Variants in DLGAP3 observed in about 807,000 individuals in gnomAD.
DLGAP3 encodes disks large-associated protein 3.
In DLGAP3, 17 loss-of-function variants were observed where a neutral mutation model predicts 81.2. The observed-to-expected ratio is 0.21, with a 90% CI of 0.14 to 0.31. DLGAP3 has a LOEUF of 0.31. Among genes scored for constraint, DLGAP3 ranks in the 10% least tolerant of loss-of-function variants. The pLI is 1.00. For synonymous variants in DLGAP3, 577 were observed against 587.4 expected (o/e 0.98, Z 0.26); for missense variants, 1,124 against 1,388.0 (o/e 0.81, Z 3.02).
Position 34,865,987 on chromosome 1 carries a change from G to A in DLGAP3, c.*96C>T, listed in dbSNP as rs1050570719. 3 of 1,087,630 alleles carry A rather than the reference G, an allele frequency of 2.8e-6. No individual in the cohort carries two copies. The highest frequency in any genetic ancestry group is 3.2e-5 in the African/African-American group (2 of 62,526). The allele number at this position is 1,087,630 out of a possible 1,614,324, so 67.4% of individuals were successfully genotyped here. A position where few individuals can be genotyped will look rare whatever the true frequency, so the allele number is the denominator to read the frequency against. ...GGCGTCCGGTGCCGGTGGGGCGGGC[G>A]CACGGGGCGGCCCGCGTTCACAGTG... On this transcript the variant is annotated 3_prime_UTR_variant, in exon 12 of 12. Transcript: ENST00000373347.
intron 3 of DLGAP3, among the ~76,000 whole-genome samples, chr1:34,901,765 A>T (rs759904522): frequency 1.6e-4 from 25 of 152,278 alleles, no homozygotes; most frequent in Middle Eastern, 3.4e-3. Flanking sequence ...CAGTGAGGGG[A>T]GAATTGAAGG....
At chr1:34,872,903 G>C (rs1639001521) in intron 8 of DLGAP3, among the ~76,000 whole-genome samples, 1 of 152,160 alleles carries the variant, frequency 6.6e-6, no homozygotes, top group Non-Finnish European at 1.5e-5. Flanking sequence ...TAATAAATAT[G>C]TATTGTTTTC....
intron 1 of DLGAP3, among the ~76,000 whole-genome samples, chr1:34,924,663 G>A (rs914485147): frequency 6.6e-6 from 1 of 151,978 alleles, no homozygotes; most frequent in Non-Finnish European, 1.5e-5. Flanking sequence ...AGCTTGTTGC[G>A]CTAAAAAAAA....
chr1:34,872,261 G>C (rs761640178), intron 8 of DLGAP3, among the ~76,000 whole-genome samples: 14 of 152,170 alleles, frequency 9.2e-5, no homozygotes, highest in Non-Finnish European at 1.9e-4. Flanking sequence ...AAGAATGAAA[G>C]GTGCCCACGG....
At chr1:34,910,695 C>A (rs1222182106) in intron 1 of DLGAP3, among the ~76,000 whole-genome samples, 1 of 152,198 alleles carries the variant, frequency 6.6e-6, no homozygotes, top group African/African-American at 2.4e-5. Flanking sequence ...GTTGTTGCTT[C>A]CTCGGGGAAG....
chr1:34,925,691 AACAG>A (rs1371690521), intron 1 of DLGAP3, among the ~76,000 whole-genome samples: 12 of 152,148 alleles, frequency 7.9e-5, no homozygotes, highest in African/African-American at 2.7e-4. Context: ...GATGAGAAAG[AACAG>A]ACAGTGAGGG....
In DLGAP3 at chr1:34,873,038, A is replaced by G. The variant is rs1332007051; in HGVS notation, c.2001-3949T>C. Among the ~76,000 whole-genome samples the G allele has an allele frequency of 6.6e-6, 1 of 152,256 alleles. No individual in the cohort carries two copies. The highest frequency in any genetic ancestry group is 1.9e-4 in the East Asian group (1 of 5,204). On this transcript the variant is annotated intron_variant, in intron 8 of 11. Coordinates refer to ENST00000373347, the MANE Select transcript of DLGAP3 (RefSeq NM_001080418.3). This position sits in a 1 kb window ranked among gnomAD's most constrained non-coding sequence, Gnocchi z 4.2. ...ATAAGGATGGATAAAAAAGAATAAC[A>G]TCTTCTAAGCACTTAGTATGTGCCA... is the stretch of plus-strand genomic sequence containing the variant.
chr1:34,911,453 C>T (rs528041878), intron 1 of DLGAP3, among the ~76,000 whole-genome samples: 2 of 152,228 alleles, frequency 1.3e-5, no homozygotes, highest in East Asian at 3.9e-4. Context: ...TTTTATTGCA[C>T]CAAATCATCC....
intron 11 of DLGAP3, 34 bp from the exon 12 acceptor site, chr1:34,866,335 C>G (rs753847027): frequency 2.0e-6 from 3 of 1,471,132 alleles, no homozygotes; most frequent in Admixed American, 2.2e-5. Flanking sequence ...AGCTGGGGCG[C>G]CGAACCATCC....
chr1:34,892,999 C>T (rs1639335294), intron 5 of DLGAP3, among the ~76,000 whole-genome samples: 1 of 151,560 alleles, frequency 6.6e-6, no homozygotes, highest in African/African-American at 2.4e-5. Context: ...GGTGAAACCC[C>T]GTCTCTACTA....
At chr1:34,913,154 G>A (rs1639663564) in intron 1 of DLGAP3, among the ~76,000 whole-genome samples, 1 of 152,212 alleles carries the variant, frequency 6.6e-6, no homozygotes, top group Admixed American at 6.5e-5. Flanking sequence ...GGAACAGAAA[G>A]GAAGGAGGAA....
intron 11 of DLGAP3, 120 bp downstream of exon 11, chr1:34,866,928 G>T (rs1638891555): frequency 8.5e-7 from 1 of 1,175,350 alleles, no homozygotes; most frequent in Admixed American, 1.7e-5. Flanking sequence ...CCTGTCCAAG[G>T]CTGCCCTTGC....
rs1248384033 is a variant in DLGAP3, at chr1:34,902,959, G to A, written c.1107+1318C>T. Among the ~76,000 whole-genome samples the A allele has an allele frequency of 6.6e-6, 1 of 152,074 alleles. No individual in the cohort carries two copies. On this transcript the variant is annotated intron_variant, in intron 3 of 11. Coordinates refer to ENST00000373347, the MANE Select transcript of DLGAP3 (RefSeq NM_001080418.3). The surrounding 1 kb of genome is among the most constrained non-coding windows in gnomAD (Gnocchi z 4.4). ...AGCTTAGAGCACCTCCCTACCCAGGGAGGGGGCAAACCAGGCCAATCCAGA... is the reference window on the plus strand; with the variant it reads ...AGCTTAGAGCACCTCCCTACCCAGGAAGGGGGCAAACCAGGCCAATCCAGA...
At chr1:34,897,713 G>A (rs992053413) in intron 5 of DLGAP3, among the ~76,000 whole-genome samples, 5 of 152,192 alleles carry the variant, frequency 3.3e-5, no homozygotes, top group Admixed American at 6.5e-5. Flanking sequence ...TGGAGCAAGA[G>A]CAAATACAGG....
rs546933275 is a variant in DLGAP3 at position 34,876,701 on chromosome 1, C to T, written c.2001-7612G>A. Among the ~76,000 whole-genome samples, 165 of 152,316 alleles carry T rather than the reference C, an allele frequency of 1.1e-3. 2 individuals are homozygous for T. Among genetic ancestry groups the T allele is most frequent in the South Asian group, 9.7e-3 (47 of 4,826 alleles). On this transcript the variant is annotated intron_variant, in intron 8 of 11. Transcript: ENST00000373347. ...CCACCTGTCACTCCCTCTGAATTCC[C>T]AGTGTGATCACCTGTCCCAGGCAGT... is the stretch of plus-strand genomic sequence containing the variant.
In DLGAP3 at chr1:34,886,536, C is replaced by T. The variant is rs535001728; in HGVS notation, c.1387-251G>A. 4.7e-5 allele frequency among the ~76,000 whole-genome samples: 7 copies of T among 150,524 alleles called. No individual in the cohort carries two copies. The South Asian group carries it at 1.3e-3, about 28-fold the overall frequency. ...TATCCCACCCCCACCCCCACCTCCA[C>T]CCCACCTATGCCTCTTCCAGGTGTC... On this transcript the variant is annotated intron_variant, in intron 5 of 11. Transcript: ENST00000373347.
rs139647313 is a variant in DLGAP3, at chr1:34,914,153, T to G, written c.-134-6716A>C. ...GCTGGGCCCCAGCTCCCTTCCCAGC[T>G]AGGGCCATGTACCCAACAGGCATTG... On this transcript the variant is annotated intron_variant, in intron 1 of 11. Transcript: ENST00000373347. Among the ~76,000 whole-genome samples, 259 of 152,272 alleles carry G rather than the reference T, an allele frequency of 1.7e-3. 2 individuals are homozygous for G. The highest frequency in any genetic ancestry group is 6.0e-3 in the African/African-American group (248 of 41,566).
At position 34,868,177 on chromosome 1, in the gene DLGAP3, C is replaced by G. The variant is rs943465870; in HGVS notation, c.2485+428G>C. 2.0e-5 allele frequency among the ~76,000 whole-genome samples: 3 copies of G among 152,214 alleles called. No individual in the cohort carries two copies. The highest frequency in any genetic ancestry group is 4.4e-5 in the Non-Finnish European group (3 of 68,036). The stretch of plus-strand genomic sequence containing the variant: ...TCGGGCCAGGGCCACATCTCCCTGG[C>G]TGAATCTCCCTCTTCTGTGCCTCAG... On this transcript the variant is annotated intron_variant, in intron 9 of 11. Coordinates refer to ENST00000373347, the MANE Select transcript of DLGAP3 (RefSeq NM_001080418.3). The surrounding 1 kb of genome is among the most constrained non-coding windows in gnomAD (Gnocchi z 7.5).
At chr1:34,928,941 ACT>A (rs1639913358) in intron 1 of DLGAP3, among the ~76,000 whole-genome samples, 1 of 149,902 alleles carries the variant, frequency 6.7e-6, no homozygotes, top group Non-Finnish European at 1.5e-5. Context: ...ATGCACACAC[ACT>A]CTCGCCCACA....
Sources: allele counts gnomAD v4.1 joint callset (sites outside exome capture counted in the v4.1 genomes callset), GRCh38; gene constraint gnomAD v4.1.1; non-coding constraint Gnocchi (gnomAD v3.1); transcripts MANE v1.5; gene names NCBI Gene and HGNC (gene_info 2026-07-23, HGNC 2026-07-21).